Variants in NKAIN3 observed in about 807,000 individuals in gnomAD.
The protein encoded by NKAIN3 is sodium/potassium-transporting ATPase subunit beta-1-interacting protein 3.
In NKAIN3, 25 loss-of-function variants were observed where a neutral mutation model predicts 30.2. That is an observed-to-expected ratio of 0.83 (90% CI 0.60 to 1.16). NKAIN3 has a LOEUF of 1.16. Ranked by LOEUF, NKAIN3 falls within the 50% of genes most tolerant of loss-of-function variation. The probability of loss-of-function intolerance (pLI) is 0.00; values close to 1 mark genes in which losing one functional copy is unlikely to be tolerated. For missense variants in NKAIN3, 225 were observed against 254.1 expected, an observed-to-expected ratio of 0.89 and a Z score of 0.78; for synonymous variants, 91 against 89.6, an observed-to-expected ratio of 1.02 and a Z score of -0.09.
intron 1 of NKAIN3, among the ~76,000 whole-genome samples, chr8:62,287,672 GT>G (rs1239550930): frequency 1.3e-5 from 2 of 151,950 alleles, no homozygotes; most frequent in Non-Finnish European, 2.9e-5. Flanking sequence ...TCTCTTAGGA[GT>G]TTTTTTATGT....
Position 62,609,082 on chromosome 8 carries a change from C to T in NKAIN3, c.273+19288C>T, listed in dbSNP as rs1042816345. Among the ~76,000 whole-genome samples the T allele has an allele frequency of 4.6e-5, 7 of 152,210 alleles. No homozygotes were observed. In the East Asian group the frequency reaches 1.4e-3, roughly 29 times the overall value. ...TGTGATAGGTTTACACCTGAGCAGC[C>T]TCTTGCTGCTCAGGTCAGGCTATAA... On this transcript the variant is annotated intron_variant, in intron 3 of 6. Coordinates refer to ENST00000623646, the MANE Select transcript of NKAIN3 (RefSeq NM_001304533.3).
intron 1 of NKAIN3, among the ~76,000 whole-genome samples, chr8:62,285,930 G>A (rs1030314625): frequency 1.3e-5 from 2 of 152,196 alleles, no homozygotes; most frequent in African/African-American, 4.8e-5. Flanking sequence ...TATTATGCAT[G>A]TGGGCGTATT....
chr8:62,514,829 C>A (rs1005134411), intron 1 of NKAIN3, among the ~76,000 whole-genome samples: 1 of 152,126 alleles, frequency 6.6e-6, no homozygotes, highest in African/African-American at 2.4e-5. Context: ...TCTCCTGAAT[C>A]GTCAACATTC....
chr8:62,492,854 G>T (rs988541467), intron 1 of NKAIN3, among the ~76,000 whole-genome samples: 1 of 151,988 alleles, frequency 6.6e-6, no homozygotes, highest in Non-Finnish European at 1.5e-5. Context: ...TTCCACAATG[G>T]TTGAACCAAT....
intron 3 of NKAIN3, among the ~76,000 whole-genome samples, chr8:62,641,189 T>C (rs1812299209): frequency 6.6e-6 from 1 of 152,066 alleles, no homozygotes; most frequent in Non-Finnish European, 1.5e-5. Context: ...ACCACCAAAA[T>C]TTGATAAGCA....
At chr8:62,385,593 G>A (rs1402448387) in intron 1 of NKAIN3, among the ~76,000 whole-genome samples, 22 of 152,016 alleles carry the variant, frequency 1.4e-4, no homozygotes, top group Non-Finnish European at 1.5e-4. Flanking sequence ...ATAAATTTTG[G>A]CAAATGCATA....
At chr8:62,940,150 T>TAA (rs34706177) in intron 5 of NKAIN3, among the ~76,000 whole-genome samples, 2,107 of 145,454 alleles carry the variant, frequency 0.014, 34 homozygotes, top group African/African-American at 0.04. Context: ...CAACAACAGT[T>TAA]AAAAAAAAAA....
rs567979554 is a variant in NKAIN3 at position 62,685,431 on chromosome 8, T to C, written c.274-61501T>C. The stretch of plus-strand genomic sequence containing the variant: ...TATTCCTCACAACTGAGGAAAGTGA[T>C]TCTAATAAGCTATAATTTTTTACTT... On this transcript the variant is annotated intron_variant, in intron 3 of 6. Coordinates refer to ENST00000623646, the MANE Select transcript of NKAIN3 (RefSeq NM_001304533.3). Among the ~76,000 whole-genome samples, 7 of 152,346 alleles carry C rather than the reference T, an allele frequency of 4.6e-5. No homozygotes were observed. In the East Asian group the frequency reaches 1.4e-3, roughly 29 times the overall value.
At chr8:62,850,101 T>A (rs1479694958) in intron 4 of NKAIN3, among the ~76,000 whole-genome samples, 1 of 152,106 alleles carries the variant, frequency 6.6e-6, no homozygotes, top group Non-Finnish European at 1.5e-5. Flanking sequence ...TTTCTCCAGA[T>A]CCTCTCCAGC....
At position 62,318,795 on chromosome 8, in the gene NKAIN3, T is replaced by C. The variant is rs184351499; in HGVS notation, c.54+69668T>C. On this transcript the variant is annotated intron_variant, in intron 1 of 6. Transcript: ENST00000623646. ...TCAGGGATGTTGGTCTAAAATTCTCTTTTTTTGTTGTGTCTCTGCCAGGCT... is the reference window on the plus strand; with the variant it reads ...TCAGGGATGTTGGTCTAAAATTCTCCTTTTTTGTTGTGTCTCTGCCAGGCT... 1.1e-4 allele frequency among the ~76,000 whole-genome samples: 16 copies of C among 152,248 alleles called. No homozygotes were observed. In the East Asian group the frequency reaches 2.7e-3, roughly 26 times the overall value.
chr8:62,942,330 G>A (rs1389878178), intron 5 of NKAIN3, among the ~76,000 whole-genome samples: 1 of 147,904 alleles, frequency 6.8e-6, no homozygotes, highest in African/African-American at 2.5e-5. Flanking sequence ...TAACCAAGGA[G>A]GTGAAAGACC....
At chr8:62,550,357 T>C (rs1809160730) in intron 1 of NKAIN3, among the ~76,000 whole-genome samples, 1 of 152,234 alleles carries the variant, frequency 6.6e-6, no homozygotes, top group Non-Finnish European at 1.5e-5. Flanking sequence ...TCACCCTTAC[T>C]AGATTTTAAG....
rs1011146275 is a variant in NKAIN3 at position 62,972,455 on chromosome 8, C to T, written c.*7048C>T. On this transcript the variant is annotated 3_prime_UTR_variant, in exon 7 of 7. Coordinates refer to ENST00000623646, the MANE Select transcript of NKAIN3 (RefSeq NM_001304533.3). Reference sequence around the variant, plus strand: ...GATACATCAAATGCCAGTCTTTTATCTTCCTAGTTTTTCAAATAGAAAAGT... The same window carrying T: ...GATACATCAAATGCCAGTCTTTTATTTTCCTAGTTTTTCAAATAGAAAAGT... Among the ~76,000 whole-genome samples, 1 of 152,014 alleles carries T rather than the reference C, an allele frequency of 6.6e-6. No individual in the cohort carries two copies. The highest frequency in any genetic ancestry group is 6.6e-5 in the Admixed American group (1 of 15,232).
At chr8:62,831,473 A>G (rs1335107202) in intron 4 of NKAIN3, among the ~76,000 whole-genome samples, 1 of 152,156 alleles carries the variant, frequency 6.6e-6, no homozygotes, top group Non-Finnish European at 1.5e-5. Context: ...TGAAATCAAA[A>G]CAAAGAAACT....
chr8:62,793,771 A>T (rs1156385), intron 4 of NKAIN3, among the ~76,000 whole-genome samples: 84,954 of 151,962 alleles, frequency 0.56, 25,111 homozygotes, highest in Non-Finnish European at 0.67. Context: ...TCCAACATTG[A>T]AGTTTCAGCT....
chr8:62,735,312 C>T (rs565655482), intron 3 of NKAIN3, among the ~76,000 whole-genome samples: 33 of 151,062 alleles, frequency 2.2e-4, no homozygotes, highest in Non-Finnish European at 4.4e-4. Context: ...TTTTTCTTTT[C>T]TTTGTCTTCG....
chr8:62,275,554 C>G (rs1045512249), intron 1 of NKAIN3, among the ~76,000 whole-genome samples: 1 of 152,074 alleles, frequency 6.6e-6, no homozygotes. Flanking sequence ...CATAAAAATT[C>G]TTCCTTTTCT....
chr8:62,524,870 C>A (rs2129803696), intron 1 of NKAIN3, among the ~76,000 whole-genome samples: 1 of 152,174 alleles, frequency 6.6e-6, no homozygotes, highest in Non-Finnish European at 1.5e-5. Flanking sequence ...TTGAGGTACT[C>A]CGGTTTAATA....
intron 1 of NKAIN3, among the ~76,000 whole-genome samples, chr8:62,462,361 T>C (rs1307972409): frequency 6.6e-6 from 1 of 152,202 alleles, no homozygotes; most frequent in Non-Finnish European, 1.5e-5. Flanking sequence ...ACCAATGATA[T>C]AATTCACAAT....
Sources: allele counts gnomAD v4.1 joint callset (sites outside exome capture counted in the v4.1 genomes callset), GRCh38; gene constraint gnomAD v4.1.1; transcripts MANE v1.5; gene names NCBI Gene and HGNC (gene_info 2026-07-23, HGNC 2026-07-21).